MAPKAP1: variants seen among roughly 807,000 people sequenced by gnomAD.
MAPKAP1 encodes target of rapamycin complex 2 subunit MAPKAP1.
A neutral mutation model predicts 65.7 loss-of-function variants in MAPKAP1; 20 were observed. The ratio of observed to expected loss-of-function variants is 0.30; its 90% CI spans 0.21 to 0.44. The LOEUF (loss-of-function observed/expected upper bound fraction) is 0.44, where lower values mean the gene tolerates loss of function less well. Among genes scored for constraint, MAPKAP1 ranks in the 20% least tolerant of loss-of-function variants. The probability of loss-of-function intolerance (pLI) is 1.00; values close to 1 mark genes in which losing one functional copy is unlikely to be tolerated. For missense variants in MAPKAP1, 423 were observed against 648.0 expected (o/e 0.65, Z 3.77); for synonymous variants, 222 against 244.3 (o/e 0.91, Z 0.85).
chr9:125,637,431 G>GT (rs1263739487), intron 4 of MAPKAP1, among the ~76,000 whole-genome samples: 1 of 152,078 alleles, frequency 6.6e-6, no homozygotes, highest in African/African-American at 2.4e-5. Flanking sequence ...TGGGCCAGAT[G>GT]TATGAAAAAA....
chr9:125,690,050 TGC>T (rs1200996718), intron 1 of MAPKAP1, among the ~76,000 whole-genome samples: 1 of 152,200 alleles, frequency 6.6e-6, no homozygotes, highest in African/African-American at 2.4e-5. Flanking sequence ...ATTGCGCCAT[TGC>T]ACTCCAGCCT....
At chr9:125,633,097 G>C (rs1833333070) in intron 4 of MAPKAP1, among the ~76,000 whole-genome samples, 1 of 152,208 alleles carries the variant, frequency 6.6e-6, no homozygotes, top group South Asian at 2.1e-4. Context: ...TGTTGTAAAT[G>C]CAAGACCGCT....
intron 5 of MAPKAP1, among the ~76,000 whole-genome samples, chr9:125,571,592 C>T (rs1831232726): frequency 6.6e-6 from 1 of 152,160 alleles, no homozygotes; most frequent in Non-Finnish European, 1.5e-5. Flanking sequence ...TGCAGTGGCT[C>T]ATGCCTGTAA....
intron 5 of MAPKAP1, among the ~76,000 whole-genome samples, chr9:125,562,666 G>A (rs1459207271): frequency 1.3e-5 from 2 of 152,164 alleles, no homozygotes; most frequent in African/African-American, 4.8e-5. Flanking sequence ...AATACCAGCA[G>A]TATCATTAGC....
chr9:125,596,386 G>C (rs752821890), intron 4 of MAPKAP1: 1 of 817,314 alleles, frequency 1.2e-6, no homozygotes, highest in Non-Finnish European at 2.1e-6. Context: ...GGTGGCAGTA[G>C]GGATGGCTAT....
intron 1 of MAPKAP1, among the ~76,000 whole-genome samples, chr9:125,687,682 G>C (rs1835026461): frequency 6.6e-6 from 1 of 151,900 alleles, no homozygotes; most frequent in African/African-American, 2.4e-5. Context: ...CTACACAGGA[G>C]GCTGAGATGG....
At chr9:125,572,659 A>C (rs780201239) in intron 5 of MAPKAP1, among the ~76,000 whole-genome samples, 1 of 152,220 alleles carries the variant, frequency 6.6e-6, no homozygotes, top group Non-Finnish European at 1.5e-5. Flanking sequence ...GAGTAATGTA[A>C]AAATCTGGAT....
rs142715221 is a variant in MAPKAP1 at position 125,510,132 on chromosome 9, T to C, written c.959-3715A>G. Among the ~76,000 whole-genome samples, 234 of 152,242 alleles carry C rather than the reference T, an allele frequency of 1.5e-3. 1 individual carries two copies. Among genetic ancestry groups the C allele is most frequent in the Middle Eastern group, 0.01 (3 of 294 alleles). On this transcript the variant is annotated intron_variant, in intron 7 of 11. Transcript: ENST00000265960. ...AGATATATTAGCCCCAGTTTACAGA[T>C]TGGGATGCTGGTGAAGTAACTTGCC...
chr9:125,592,346 T>C (rs1193603219), intron 4 of MAPKAP1, among the ~76,000 whole-genome samples: 1 of 152,210 alleles, frequency 6.6e-6, no homozygotes, highest in Non-Finnish European at 1.5e-5. Flanking sequence ...ACTATACCAA[T>C]ACACCAAAAG....
chr9:125,705,241 T>C (rs1212083177), intron 1 of MAPKAP1, among the ~76,000 whole-genome samples: 2 of 152,216 alleles, frequency 1.3e-5, no homozygotes, highest in African/African-American at 4.8e-5. Context: ...AAAGCACAGA[T>C]TTAGGCATCA....
At chr9:125,621,689 G>A (rs1407100711) in intron 4 of MAPKAP1, among the ~76,000 whole-genome samples, 1 of 152,194 alleles carries the variant, frequency 6.6e-6, no homozygotes, top group African/African-American at 2.4e-5. Context: ...CTACCTAACT[G>A]AAGGCTGCTT....
intron 9 of MAPKAP1, among the ~76,000 whole-genome samples, chr9:125,474,622 A>G (rs73667005): frequency 0.02 from 3,055 of 152,306 alleles, 105 homozygotes; most frequent in African/African-American, 0.07. Flanking sequence ...CTATTGTCCC[A>G]GAGGAGACTG....
intron 5 of MAPKAP1, among the ~76,000 whole-genome samples, chr9:125,569,961 T>G (rs1330709788): frequency 2.6e-4 from 39 of 152,228 alleles, no homozygotes; most frequent in Admixed American, 2.5e-3. Flanking sequence ...TAAAAATGAC[T>G]GATAAAAATG....
At chr9:125,440,439 C>CA (rs1343222483) in intron 11 of MAPKAP1, among the ~76,000 whole-genome samples, 6 of 152,314 alleles carry the variant, frequency 3.9e-5, no homozygotes, top group African/African-American at 1.4e-4. Context: ...TCTTCACCTG[C>CA]AAGTATCTAA....
intron 8 of MAPKAP1, among the ~76,000 whole-genome samples, chr9:125,499,612 T>G (rs1040537101): frequency 5.9e-5 from 9 of 152,230 alleles, no homozygotes; most frequent in African/African-American, 2.2e-4. Context: ...ATGTTCATGT[T>G]CGGAAGTAGA....
intron 7 of MAPKAP1, among the ~76,000 whole-genome samples, chr9:125,534,818 A>G (rs1427354798): frequency 2.0e-5 from 3 of 152,022 alleles, no homozygotes; most frequent in Admixed American, 2.0e-4. Context: ...GTTTCTATTC[A>G]TCTTCAGATT....
intron 4 of MAPKAP1, among the ~76,000 whole-genome samples, chr9:125,647,931 T>C (rs1833775867): frequency 8.2e-6 from 1 of 121,228 alleles, no homozygotes; most frequent in Admixed American, 9.0e-5. Flanking sequence ...CCAGTCCCAA[T>C]ATCTTTTTTT....
rs984517695 is a variant in MAPKAP1 at position 125,572,140 on chromosome 9, T to A, written c.672-12331A>T. Among the ~76,000 whole-genome samples, 5 of 152,338 alleles carry A rather than the reference T, an allele frequency of 3.3e-5. No individual in the cohort carries two copies. In the South Asian group the frequency reaches 6.2e-4, roughly 19 times the overall value. Reference sequence around the variant, plus strand: ...GAACACAACTGAAGAAACTAGTTATTTTCCCAAGGCTTTAACTGGAATGGT... The same window carrying A: ...GAACACAACTGAAGAAACTAGTTATATTCCCAAGGCTTTAACTGGAATGGT... On this transcript the variant is annotated intron_variant, in intron 5 of 11. Coordinates refer to ENST00000265960, the MANE Select transcript of MAPKAP1 (RefSeq NM_001006617.3).
intron 4 of MAPKAP1, among the ~76,000 whole-genome samples, chr9:125,656,736 C>G (rs940610484): frequency 6.6e-6 from 1 of 152,134 alleles, no homozygotes; most frequent in African/African-American, 2.4e-5. Context: ...AGCTATCACT[C>G]AGCACCCCAC....
Sources: allele counts gnomAD v4.1 joint callset (sites outside exome capture counted in the v4.1 genomes callset), GRCh38; gene constraint gnomAD v4.1.1; transcripts MANE v1.5; gene names NCBI Gene and HGNC (gene_info 2026-07-23, HGNC 2026-07-21).